The following DHRSX variants were observed in gnomAD, a reference collection of about 807,000 sequenced individuals.
DHRSX encodes polyprenol dehydrogenase.
DHRSX carries 31 observed loss-of-function variants against 34.0 expected under a neutral mutation model. The ratio of observed to expected loss-of-function variants is 0.91; its 90% confidence interval spans 0.69 to 1.23. DHRSX has a LOEUF of 1.23. Ranked by LOEUF, DHRSX falls within the 50% of genes most tolerant of loss-of-function variation. The probability of loss-of-function intolerance (pLI) is 0.00; values close to 1 mark genes in which losing one functional copy is unlikely to be tolerated. For missense variants in DHRSX, 414 were observed against 428.1 expected (o/e 0.97, Z 0.29); for synonymous variants, 201 against 183.8 (o/e 1.09, Z -0.76).
At chrX:2,393,661 T>TGCGCACACAAGACA (rs2043368679) in intron 3 of DHRSX, among the ~76,000 whole-genome samples, 1 of 127,184 alleles carries the variant, frequency 7.9e-6, no homozygotes, top group African/African-American at 3.2e-5. Flanking sequence ...CCCCGTCTCC[T>TGCGCACACAAGACA]CCGCACACAC....
rs183151419 is a variant in DHRSX at position 2,451,203 on chromosome X, A to G, written c.110-25899T>C. Among the ~76,000 whole-genome samples, 10 of 151,316 alleles carry G rather than the reference A, an allele frequency of 6.6e-5. No individual in the cohort carries two copies. In the East Asian group the frequency reaches 1.6e-3, roughly 24 times the overall value. On this transcript the variant is annotated intron_variant, in intron 1 of 6. Coordinates refer to ENST00000334651, the MANE Select transcript of DHRSX (RefSeq NM_145177.3). The stretch of plus-strand genomic sequence containing the variant: ...AGCTGAGATCACAGCACTGCACTCC[A>G]GCCTGGGCAATACAGCAAGACTCCA...
At chrX:2,472,985 A>C (rs1199273639) in intron 1 of DHRSX, among the ~76,000 whole-genome samples, 1 of 152,040 alleles carries the variant, frequency 6.6e-6, no homozygotes, top group Non-Finnish European at 1.5e-5. Flanking sequence ...GAGACTTAAT[A>C]AGGCACCTGG....
rs564619672 is a variant in DHRSX, at chrX:2,272,333, G to A, written c.389-5386C>T. Reference sequence around the variant, plus strand: ...CATAAATTCCCAGCTTAGGAGAGACGAGCTTATCATGAACACCTGGCTTAT... The same window carrying A: ...CATAAATTCCCAGCTTAGGAGAGACAAGCTTATCATGAACACCTGGCTTAT... On this transcript the variant is annotated intron_variant, in intron 4 of 6. Transcript: ENST00000334651. Among the ~76,000 whole-genome samples, 10 of 152,182 alleles carry A rather than the reference G, an allele frequency of 6.6e-5. No individual in the cohort carries two copies. The East Asian group carries it at 7.7e-4, about 12-fold the overall frequency.
intron 6 of DHRSX, among the ~76,000 whole-genome samples, chrX:2,225,214 CAT>C (rs2015625107): frequency 6.6e-6 from 1 of 151,324 alleles, no homozygotes; most frequent in Admixed American, 6.6e-5. Flanking sequence ...TGCACATTCA[CAT>C]GTACACACAT....
chrX:2,266,160 A>G (rs1205643566), intron 5 of DHRSX, among the ~76,000 whole-genome samples: 25 of 122,260 alleles, frequency 2.0e-4, no homozygotes, highest in Non-Finnish European at 6.8e-5. Flanking sequence ...GCACCAGTGT[A>G]CAGCAGATGC....
At chrX:2,248,260 G>C (rs1466432328) in intron 5 of DHRSX, among the ~76,000 whole-genome samples, 1 of 151,822 alleles carries the variant, frequency 6.6e-6, no homozygotes, top group Non-Finnish European at 1.5e-5. Flanking sequence ...GGTGAAACCC[G>C]GTCTCTACTA....
intron 5 of DHRSX, among the ~76,000 whole-genome samples, chrX:2,244,061 G>A (rs774373586): frequency 7.8e-4 from 118 of 152,006 alleles, no homozygotes; most frequent in South Asian, 3.7e-3. Flanking sequence ...ATGAGCCACC[G>A]CGCCTGGCCA....
intron 4 of DHRSX, among the ~76,000 whole-genome samples, chrX:2,282,813 AGAGAGAGAGG>A (rs201530931): frequency 8.5e-4 from 74 of 87,380 alleles, no homozygotes; most frequent in African/African-American, 2.7e-3. Context: ...GAAGAGAGAA[AGAGAGAGAGG>A]GAGAGAGAGG....
chrX:2,490,770 C>G (rs1398645452), intron 1 of DHRSX: 2 of 1,578,098 alleles, frequency 1.3e-6, no homozygotes, highest in Non-Finnish European at 1.7e-6. Flanking sequence ...GCGTGGGGAC[C>G]TGCTGAGAAG....
chrX:2,485,247 G>C (rs898035894), intron 1 of DHRSX, among the ~76,000 whole-genome samples: 1 of 152,024 alleles, frequency 6.6e-6, no homozygotes, highest in Admixed American at 6.6e-5. Flanking sequence ...TGGGAAAAAC[G>C]TGTAAACATG....
At chrX:2,486,837 AAC>A (rs1318279723) in intron 1 of DHRSX, 9 of 152,324 alleles carry the variant, frequency 5.9e-5, no homozygotes, top group Non-Finnish European at 7.3e-5. Flanking sequence ...CACAGACTTA[AAC>A]CGGCTCAGGA....
chrX:2,294,794 GGA>G (rs201823017), intron 3 of DHRSX, among the ~76,000 whole-genome samples: 9 of 129,508 alleles, frequency 6.9e-5, no homozygotes, highest in East Asian at 4.1e-4. Context: ...AAAAAGAGAG[GGA>G]GAGAGAGAGA....
At position 2,335,447 on chromosome X, in the gene DHRSX, T is replaced by TGG. The variant is rs780233836; in HGVS notation, c.287-43846_287-43845dup. Among the ~76,000 whole-genome samples the TGG allele has an allele frequency of 5.0e-3, 648 of 128,798 alleles. 9 individuals carry two copies. Among genetic ancestry groups the TGG allele is most frequent in the African/African-American group, 0.024 (613 of 25,026 alleles). The allele number at this position is 128,798 out of a possible 152,430, so 84.5% of individuals were successfully genotyped here. A position where few individuals can be genotyped will look rare whatever the true frequency, so the allele number is the denominator to read the frequency against. ...CAAATGGTTGCATTCATTATTTTTTTGGGGTGTGTGTGTGTGTGTGTTTAG... is the reference window on the plus strand; with the variant it reads ...CAAATGGTTGCATTCATTATTTTTTTGGGGGGTGTGTGTGTGTGTGTGTTTAG... On this transcript the variant is annotated intron_variant, in intron 3 of 6. Transcript: ENST00000334651.
intron 3 of DHRSX, among the ~76,000 whole-genome samples, chrX:2,407,764 T>C (rs1373558801): frequency 1.3e-5 from 2 of 151,982 alleles, no homozygotes; most frequent in African/African-American, 4.8e-5. Flanking sequence ...TAACAGAGAC[T>C]GGAGACTCAG....
chrX:2,291,709 CTTT>C (rs113156917), intron 3 of DHRSX, 106 bp from the exon 4 acceptor site: 7 of 432,216 alleles, frequency 1.6e-5, no homozygotes, highest in Non-Finnish European at 2.9e-5. Flanking sequence ...GGAAGTAACA[CTTT>C]TTTTTTTTCT....
chrX:2,438,735 AGAG>A (rs1236838606), intron 1 of DHRSX, among the ~76,000 whole-genome samples: 1 of 151,930 alleles, frequency 6.6e-6, no homozygotes, highest in Non-Finnish European at 1.5e-5. Flanking sequence ...ACTGGACTGC[AGAG>A]GAGAGGGAAG....
At chrX:2,272,201 T>C (rs1439053890) in intron 4 of DHRSX, among the ~76,000 whole-genome samples, 1 of 152,072 alleles carries the variant, frequency 6.6e-6, no homozygotes, top group African/African-American at 2.4e-5. Flanking sequence ...ACGGGAAGCT[T>C]TGCATTTTGA....
At chrX:2,421,090 T>C (rs1318275105) in intron 2 of DHRSX, among the ~76,000 whole-genome samples, 1 of 151,750 alleles carries the variant, frequency 6.6e-6, no homozygotes, top group Non-Finnish European at 1.5e-5. Flanking sequence ...ATTATTATTT[T>C]AAAAGACTCT....
intron 3 of DHRSX, among the ~76,000 whole-genome samples, chrX:2,303,299 C>A (rs764196219): frequency 6.6e-6 from 1 of 152,138 alleles, no homozygotes; most frequent in South Asian, 2.1e-4. Context: ...AATTGTAATC[C>A]GCAGTGTTGG....
Sources: allele counts gnomAD v4.1 joint callset (sites outside exome capture counted in the v4.1 genomes callset), GRCh38; gene constraint gnomAD v4.1.1; transcripts MANE v1.5; gene names NCBI Gene and HGNC (gene_info 2026-07-23, HGNC 2026-07-21).